The following ARSB variants were observed in gnomAD, a reference collection of about 807,000 sequenced individuals.
ARSB encodes arylsulfatase B.
In ARSB, 41 loss-of-function variants were observed where a neutral mutation model predicts 50.9. The ratio of observed to expected loss-of-function variants is 0.81; its 90% CI spans 0.63 to 1.04. The LOEUF is 1.04. Among genes scored for constraint, ARSB ranks in the 50% least tolerant of loss-of-function variants. The pLI, the probability that ARSB is intolerant of heterozygous loss-of-function variation, is 0.00. For missense variants in ARSB, 672 were observed against 693.3 expected, an observed-to-expected ratio of 0.97 and a Z score of 0.35; for synonymous variants, 269 against 284.8, an observed-to-expected ratio of 0.94 and a Z score of 0.56.
intron 4 of ARSB, among the ~76,000 whole-genome samples, chr5:78,940,766 G>A (rs9763091): frequency 0.32 from 49,070 of 151,944 alleles, 8,188 homozygotes; most frequent in Middle Eastern, 0.38. Flanking sequence ...TTGGCAATGC[G>A]GGCTCATTTT....
At chr5:78,962,371 A>G (rs1005382606) in intron 3 of ARSB, among the ~76,000 whole-genome samples, 5 of 152,174 alleles carry the variant, frequency 3.3e-5, no homozygotes, top group African/African-American at 1.2e-4. Context: ...AAATCTGTGT[A>G]TTTCCACATA....
intron 4 of ARSB, among the ~76,000 whole-genome samples, chr5:78,893,834 C>T (rs778667217): frequency 1.3e-5 from 2 of 152,268 alleles, no homozygotes; most frequent in Admixed American, 6.5e-5. Context: ...ATGTATTAAG[C>T]GAGTAAAAGT....
At chr5:78,943,773 A>G (rs561694887) in intron 4 of ARSB, among the ~76,000 whole-genome samples, 1,631 of 152,210 alleles carry the variant, frequency 0.011, 22 homozygotes, top group African/African-American at 0.037. Flanking sequence ...TGCTCTTCTC[A>G]AGGAGTATCT....
At chr5:78,818,556 C>G (rs1394353343) in intron 6 of ARSB, among the ~76,000 whole-genome samples, 1 of 149,022 alleles carries the variant, frequency 6.7e-6, no homozygotes, top group Admixed American at 6.7e-5. Context: ...AGAAACCCCA[C>G]TTTCCTTGGG....
intron 5 of ARSB, among the ~76,000 whole-genome samples, chr5:78,877,088 A>G (rs1459660555): frequency 6.6e-6 from 1 of 152,146 alleles, no homozygotes; most frequent in Non-Finnish European, 1.5e-5. Context: ...GATGCCTGTG[A>G]GTGAACTACT....
At chr5:78,904,362 C>T (rs337860) in intron 4 of ARSB, among the ~76,000 whole-genome samples, 91,507 of 151,678 alleles carry the variant, frequency 0.6, 28,880 homozygotes, top group East Asian at 0.98. Flanking sequence ...ATGAATGAGA[C>T]TGCTGCTTTC....
intron 5 of ARSB, among the ~76,000 whole-genome samples, chr5:78,878,563 GT>G (rs35719104): frequency 0.13 from 18,615 of 147,438 alleles, 1,371 homozygotes; most frequent in Middle Eastern, 0.21. Flanking sequence ...CATTTTATGT[GT>G]TTTTTTTTTT....
chr5:78,899,242 C>G (rs1278584021), intron 4 of ARSB, among the ~76,000 whole-genome samples: 1 of 152,152 alleles, frequency 6.6e-6, no homozygotes, highest in African/African-American at 2.4e-5. Context: ...TTAGGATCCT[C>G]TCTTTGTCCT....
chr5:78,843,510 C>T (rs901509972), intron 5 of ARSB, among the ~76,000 whole-genome samples: 6 of 152,160 alleles, frequency 3.9e-5, no homozygotes, highest in African/African-American at 1.4e-4. Flanking sequence ...GAGTTTCAGC[C>T]TGGGCATAAA....
intron 5 of ARSB, among the ~76,000 whole-genome samples, chr5:78,863,753 T>C (rs1463975113): frequency 6.6e-6 from 1 of 151,932 alleles, no homozygotes; most frequent in Non-Finnish European, 1.5e-5. Flanking sequence ...ACTTAAAGTA[T>C]AATAATAATA....
chr5:78,957,929 G>C (rs1479674658), intron 3 of ARSB, among the ~76,000 whole-genome samples: 1 of 148,202 alleles, frequency 6.7e-6, no homozygotes, highest in African/African-American at 2.5e-5. Context: ...ATTAAAAATC[G>C]GAAGTCTACA....
At chr5:78,931,043 A>T (rs554422331) in intron 4 of ARSB, among the ~76,000 whole-genome samples, 1 of 152,374 alleles carries the variant, frequency 6.6e-6, no homozygotes, top group South Asian at 2.1e-4. Context: ...CAAAGCGGAG[A>T]GGAATCTGGG....
At chr5:78,943,836 C>T (rs983250642) in intron 4 of ARSB, among the ~76,000 whole-genome samples, 88 of 152,310 alleles carry the variant, frequency 5.8e-4, no homozygotes, top group African/African-American at 2.0e-3. Context: ...CCTTGCTAGA[C>T]TGGGGAAGTT....
intron 4 of ARSB, among the ~76,000 whole-genome samples, chr5:78,892,033 G>A (rs1013266377): frequency 6.6e-6 from 1 of 151,976 alleles, no homozygotes; most frequent in Non-Finnish European, 1.5e-5. Flanking sequence ...CCTTAATATT[G>A]TGCCTGGCAT....
At chr5:78,855,762 G>A (rs529868157) in intron 5 of ARSB, among the ~76,000 whole-genome samples, 8 of 152,234 alleles carry the variant, frequency 5.3e-5, no homozygotes, top group South Asian at 4.1e-4. Flanking sequence ...AGGTATCCAC[G>A]GTGTTGATGG....
chr5:78,867,410 A>G (rs367784899), intron 5 of ARSB, among the ~76,000 whole-genome samples: 2 of 152,170 alleles, frequency 1.3e-5, no homozygotes, highest in African/African-American at 2.4e-5. Context: ...GCAGACTTAA[A>G]TGTCCCTGTC....
In ARSB at chr5:78,780,324, A is replaced by C; in HGVS notation, c.*73T>G. The stretch of plus-strand genomic sequence containing the variant: ...AAGTGAACCCAGGTTGGGATAACAA[A>C]TGAGACAAGAGTCGTGAGAAAAGGC... On this transcript the variant is annotated 3_prime_UTR_variant, in exon 8 of 8. Coordinates refer to ENST00000264914, the MANE Select transcript of ARSB (RefSeq NM_000046.5). 1.2e-6 allele frequency: 2 copies of C among 1,605,882 alleles called. No homozygotes were observed. Among genetic ancestry groups the C allele is most frequent in the Non-Finnish European group, 1.7e-6 (2 of 1,175,576 alleles).
At chr5:78,908,551 C>G (rs1487759859) in intron 4 of ARSB, among the ~76,000 whole-genome samples, 1 of 152,108 alleles carries the variant, frequency 6.6e-6, no homozygotes, top group Non-Finnish European at 1.5e-5. Flanking sequence ...CGGGCAGGCT[C>G]TGTGCGGGCA....
chr5:78,869,372 A>G (rs1437646999), intron 5 of ARSB, among the ~76,000 whole-genome samples: 1 of 140,698 alleles, frequency 7.1e-6, no homozygotes, highest in Non-Finnish European at 1.5e-5. Flanking sequence ...TTTTTTCAGC[A>G]CCACACCACA....
Sources: allele counts gnomAD v4.1 joint callset (sites outside exome capture counted in the v4.1 genomes callset), GRCh38; gene constraint gnomAD v4.1.1; transcripts MANE v1.5; gene names NCBI Gene and HGNC (gene_info 2026-07-23, HGNC 2026-07-21).